COL6A5: variants seen among roughly 807,000 people sequenced by gnomAD.
The protein encoded by COL6A5 is collagen alpha-5(VI) chain.
COL6A5 carries 48 observed loss-of-function variants against 65.6 expected under a neutral mutation model. The ratio of observed to expected loss-of-function variants is 0.73; its 90% CI spans 0.58 to 0.93. The LOEUF (loss-of-function observed/expected upper bound fraction) is 0.93. Among genes scored for constraint, COL6A5 ranks in the 40% least tolerant of loss-of-function variants. The probability of loss-of-function intolerance (pLI) is 0.00; values close to 1 mark genes in which losing one functional copy is unlikely to be tolerated. For synonymous variants in COL6A5, 291 were observed against 322.8 expected (o/e 0.90, Z 1.05); for missense variants, 914 against 928.3 (o/e 0.98, Z 0.20).
intron 2 of COL6A5, among the ~76,000 whole-genome samples, chr3:130,374,800 G>T (rs1461460429): frequency 6.6e-6 from 1 of 152,084 alleles, no homozygotes; most frequent in Non-Finnish European, 1.5e-5. Context: ...GCAGTCTGTT[G>T]TTGACTGAAA....
intron 1 of COL6A5, among the ~76,000 whole-genome samples, chr3:130,354,734 T>C (rs1934860161): frequency 6.6e-6 from 1 of 152,200 alleles, no homozygotes; most frequent in Non-Finnish European, 1.5e-5. Flanking sequence ...GAGACATTGA[T>C]CTCTTTAGCC....
chr3:130,475,529 C>G (rs927943358), intron 7 of COL6A5, among the ~76,000 whole-genome samples: 16 of 118,566 alleles, frequency 1.3e-4, no homozygotes, highest in Admixed American at 4.5e-4. Flanking sequence ...AAAGATATCC[C>G]TCTCCCTCTG....
At chr3:130,364,415 C>T (rs1270176466) in intron 1 of COL6A5, among the ~76,000 whole-genome samples, 1 of 152,106 alleles carries the variant, frequency 6.6e-6, no homozygotes, top group Non-Finnish European at 1.5e-5. Flanking sequence ...AAACATGGTA[C>T]CTTCTCTCAA....
chr3:130,364,105 C>T (rs1935242100), intron 1 of COL6A5, among the ~76,000 whole-genome samples: 2 of 152,148 alleles, frequency 1.3e-5, no homozygotes, highest in South Asian at 4.1e-4. Context: ...TGCTATTAAT[C>T]GTTGCACTGG....
rs1559881650 is a variant in COL6A5, at chr3:130,401,888, GT to G, written c.4227+35del. The G allele has an allele frequency of 2.7e-6, 4 of 1,477,674 alleles. No homozygotes were observed. In the South Asian group the frequency reaches 4.8e-5, roughly 18 times the overall value. The allele number at this position is 1,477,674 out of a possible 1,614,324, so 91.5% of individuals were successfully genotyped here. On this transcript the variant is annotated intron_variant and NMD_transcript_variant, in intron 12 of 41. Transcript: ENST00000312481. ...CACCTGTGATACTATTTTATCTAATGTGCCTTGATTTGGTACAGGTGGGACT... is the reference window on the plus strand; with the variant it reads ...CACCTGTGATACTATTTTATCTAATGGCCTTGATTTGGTACAGGTGGGACT...
upstream of COL6A5, among the ~76,000 whole-genome samples, chr3:130,426,764 T>C (rs1937611986): frequency 6.6e-6 from 1 of 151,796 alleles, no homozygotes; most frequent in South Asian, 2.1e-4. Context: ...TTGGGACTAG[T>C]CGGTTACTCA....
At position 130,418,940 on chromosome 3, in the gene COL6A5, T is replaced by G. The variant is rs1250467999; in HGVS notation, c.4950+9T>G. On this transcript the variant is annotated intron_variant and NMD_transcript_variant, in intron 25 of 41. Coordinates refer to the COL6A5 transcript ENST00000312481. ...GGCAGCGAGGAAGACAGGTATGAAG[T>G]TTTGAAGTCCCTACCCTCCCCAGAT... 1 of 1,549,858 alleles carries G rather than the reference T, an allele frequency of 6.5e-7. No homozygotes were observed. Among genetic ancestry groups the G allele is most frequent in the African/African-American group, 1.4e-5 (1 of 72,822 alleles).
rs183437867 is a variant in COL6A5, at chr3:130,402,642, G to A, written c.4227+788G>A. ...ATTATCAGAAGTCAGGAGGGCCCTT[G>A]TGGAGAGAGGCTGGGGGTGAATTGT... On this transcript the variant is annotated intron_variant and NMD_transcript_variant, in intron 12 of 41. Coordinates refer to the COL6A5 transcript ENST00000312481. Among the ~76,000 whole-genome samples, 64 of 152,270 alleles carry A rather than the reference G, an allele frequency of 4.2e-4. No individual in the cohort carries two copies. The East Asian group carries it at 0.012, about 29-fold the overall frequency.
intron 2 of COL6A5, among the ~76,000 whole-genome samples, 177 bp downstream of exon 34, chr3:130,439,792 T>C (rs552536659): frequency 3.9e-5 from 6 of 152,186 alleles, no homozygotes; most frequent in Non-Finnish European, 5.9e-5. Flanking sequence ...GGAGTTTCCA[T>C]AGAATGTGAA....
chr3:130,442,509 G>A (rs1709208476), intron 3 of COL6A5, among the ~76,000 whole-genome samples: 1 of 152,204 alleles, frequency 6.6e-6, no homozygotes, highest in Non-Finnish European at 1.5e-5. Context: ...GTAGCCTACT[G>A]TTGACTTCCA....
chr3:130,395,567 A>T, intron 8 of COL6A5, 102 bp downstream of exon 8: 1 of 878,134 alleles, frequency 1.1e-6, no homozygotes. Flanking sequence ...TATTTAGAAC[A>T]TATATTTAGT....
At chr3:130,459,437 C>G (rs1709653054) in intron 5 of COL6A5, among the ~76,000 whole-genome samples, 1 of 152,110 alleles carries the variant, frequency 6.6e-6, no homozygotes, top group Non-Finnish European at 1.5e-5. Context: ...GGGAGCAGCT[C>G]TACCCTACCC....
intron 4 of COL6A5, among the ~76,000 whole-genome samples, chr3:130,452,520 AT>A (rs35876930): frequency 6.6e-6 from 1 of 152,078 alleles, no homozygotes; most frequent in African/African-American, 2.4e-5. Context: ...TTTATTTGGG[AT>A]TTTCAAAAGG....
chr3:130,375,887 G>A (rs763687315), intron 2 of COL6A5, among the ~76,000 whole-genome samples: 7 of 152,084 alleles, frequency 4.6e-5, no homozygotes, highest in Non-Finnish European at 7.4e-5. Flanking sequence ...ATGACACATG[G>A]GGATTATGGG....
chr3:130,375,129 A>G (rs1935716720), intron 2 of COL6A5, among the ~76,000 whole-genome samples: 1 of 151,738 alleles, frequency 6.6e-6, no homozygotes, highest in African/African-American at 2.4e-5. Context: ...CCCTTACCAG[A>G]CTCTTCTTAT....
chr3:130,395,524 G>T (rs771563209), intron 8 of COL6A5, 59 bp downstream of exon 8: 190 of 1,288,638 alleles, frequency 1.5e-4, no homozygotes, highest in Non-Finnish European at 1.9e-4. Flanking sequence ...CATTTCCCAA[G>T]AGTGTCTTAT....
rs73868768 is a variant in COL6A5 at position 130,405,891 on chromosome 3, G to A, written c.4354-102G>A. 8.8e-3 allele frequency: 10,371 copies of A among 1,182,112 alleles called. 271 individuals carry two copies. Among genetic ancestry groups the A allele is most frequent in the African/African-American group, 0.086 (5,644 of 65,870 alleles). 73.2% of individuals were successfully genotyped at this position (1,182,112 alleles called of 1,614,324 possible). On this transcript the variant is annotated intron_variant and NMD_transcript_variant, in intron 14 of 41. Transcript: ENST00000312481. Reference sequence around the variant, plus strand: ...TAACCTCTTTGTAGATGTATAGCCCGAAGCGACTAAAGAAATACATGCTCA... The same window carrying A: ...TAACCTCTTTGTAGATGTATAGCCCAAAGCGACTAAAGAAATACATGCTCA...
chr3:130,385,107 G>A (rs1421910474), exon 5 of COL6A5: 1 of 1,550,910 alleles, frequency 6.4e-7, no homozygotes, highest in African/African-American at 1.4e-5. Flanking sequence ...ATAAAAAATG[G>A]AATGAAGGAT....
Position 130,455,468 on chromosome 3 carries a change from C to A in COL6A5, c.1348C>A (p.Leu450Ile). ...TTTTTCTTCTAGATTTGTTACTGAG[C>A]TACAAGAGGATTTTTTGGGAGGTAA... The change falls in exon 5 of 8, where the codon CTA becomes ATA. Residue 450 changes from leucine (L) to isoleucine (I), a missense_variant. Physicochemically the swap from Leu to Ile is conservative, Grantham distance 5. Transcript: ENST00000512836. 1.9e-6 allele frequency: 3 copies of A among 1,610,120 alleles called. No individual in the cohort carries two copies. In the South Asian group the frequency reaches 3.3e-5, roughly 18 times the overall value.
Sources: allele counts gnomAD v4.1 joint callset (sites outside exome capture counted in the v4.1 genomes callset), GRCh38; gene constraint gnomAD v4.1.1; transcripts MANE v1.5; gene names NCBI Gene and HGNC (gene_info 2026-07-23, HGNC 2026-07-21).